The following ACSF3 variants were observed in gnomAD, a reference collection of about 807,000 sequenced individuals.
The protein encoded by ACSF3 is acyl-CoA synthetase family member 3, also known as malonate--CoA ligase ACSF3, mitochondrial.
ACSF3 carries 78 observed loss-of-function variants against 53.2 expected under a neutral mutation model. The observed-to-expected ratio is 1.47, with a 90% CI of 1.22 to 1.77. ACSF3 has a LOEUF of 1.77. Among genes scored for constraint, ACSF3 ranks in the 40% most tolerant of loss-of-function variants. The pLI, the probability that ACSF3 is intolerant of heterozygous loss-of-function variation, is 0.00. For synonymous variants in ACSF3, 414 were observed against 333.1 expected (o/e 1.24, Z -2.65); for missense variants, 937 against 771.1 (o/e 1.22, Z -2.55).
intron 8 of ACSF3, among the ~76,000 whole-genome samples, chr16:89,135,529 AG>A (rs1335241844): frequency 2.0e-5 from 3 of 152,262 alleles, no homozygotes; most frequent in Non-Finnish European, 1.5e-5. Context: ...CAGAGGACCC[AG>A]GGCTGGGGCC....
chr16:89,123,564 C>T (rs2151487214), intron 7 of ACSF3, among the ~76,000 whole-genome samples: 1 of 152,318 alleles, frequency 6.6e-6, no homozygotes, highest in African/African-American at 2.4e-5. Flanking sequence ...CGGCCAGCGT[C>T]CCTCCCCAGA....
intron 6 of ACSF3, among the ~76,000 whole-genome samples, chr16:89,115,494 C>T (rs976553999): frequency 6.6e-6 from 1 of 152,236 alleles, no homozygotes. Context: ...CGTCAGAGCC[C>T]GCGCCTTTCC....
chr16:89,136,654 A>G lies in ACSF3; in HGVS notation c.1366+3392A>G, dbSNP rs528009200. On this transcript the variant is annotated intron_variant, in intron 8 of 10. Transcript: ENST00000614302. ...GCCGAGGCCGGCCTGCAGCTCCCCAACGGCCTCCTCCGGGTCAGGATGAGA... is the reference window on the plus strand; with the variant it reads ...GCCGAGGCCGGCCTGCAGCTCCCCAGCGGCCTCCTCCGGGTCAGGATGAGA... 1.9e-4 allele frequency: 239 copies of G among 1,287,124 alleles called. No homozygotes were observed. The South Asian group carries it at 2.5e-3, about 14-fold the overall frequency. The allele number at this position is 1,287,124 out of a possible 1,614,324, so 79.7% of individuals were successfully genotyped here.
intron 7 of ACSF3, among the ~76,000 whole-genome samples, chr16:89,126,923 C>A (rs944723235): frequency 6.6e-6 from 1 of 152,166 alleles, no homozygotes; most frequent in African/African-American, 2.4e-5. Flanking sequence ...AGATTCCATT[C>A]TATCTATAAT....
Position 89,120,929 on chromosome 16 carries a change from C to G in ACSF3, c.1239+16C>G, listed in dbSNP as rs747630037. 1.2e-6 allele frequency: 2 copies of G among 1,610,148 alleles called. No individual in the cohort carries two copies. Among genetic ancestry groups the G allele is most frequent in the Non-Finnish European group, 1.7e-6 (2 of 1,176,930 alleles). The stretch of plus-strand genomic sequence containing the variant: ...GGGGACCAAGGTAAGCCACTCTGCT[C>G]TTGGCAGGTGGGCGGCCGTGTGTCC... On this transcript the variant is annotated intron_variant, in intron 7 of 10. Transcript: ENST00000614302.
Position 89,098,714 on chromosome 16 carries a change from T to C in ACSF3, c.-70T>C, listed in dbSNP as rs1369128136. ...GCTGAAGCAGCTGTGCCTGCCGCTC[T>C]TGTGAACTGCGAACTTCCCCTTACC... On this transcript the variant is annotated 5_prime_UTR_variant, in exon 2 of 11. Transcript: ENST00000614302. 1 of 454,166 alleles carries C rather than the reference T, an allele frequency of 2.2e-6. No homozygotes were observed. The highest frequency in any genetic ancestry group is 6.9e-5 in the East Asian group (1 of 14,390). The allele number at this position is 454,166 out of a possible 1,614,324, so 28.1% of individuals were successfully genotyped here.
Position 89,100,958 on chromosome 16 carries a change from C to A in ACSF3, c.277C>A (p.Leu93Ile), listed in dbSNP as rs769957763. ...CRLCGCVGGD[L>I]REERVSFLCA... Reference sequence around the variant, plus strand: ...GCTCTGCGGGTGTGTCGGCGGGGACCTCCGGGAGGAGAGGGTCTCCTTCCT... The same window carrying A: ...GCTCTGCGGGTGTGTCGGCGGGGACATCCGGGAGGAGAGGGTCTCCTTCCT... The change falls in exon 3 of 11, where the codon CTC (leucine) becomes ATC (isoleucine). Residue 93 changes from leucine to isoleucine, a missense_variant. By Grantham distance (5) the Leu-to-Ile change is conservative. Transcript: ENST00000614302. 6.2e-7 allele frequency: 1 copy of A among 1,613,530 alleles called. No homozygotes were observed. The highest frequency in any genetic ancestry group is 8.5e-7 in the Non-Finnish European group (1 of 1,179,972).
chr16:89,150,768 G>A (rs932583984), intron 10 of ACSF3: 105 of 357,298 alleles, frequency 2.9e-4, no homozygotes, highest in African/African-American at 1.9e-3. Flanking sequence ...GGCCCTTGCT[G>A]TCCAGGCCAC....
chr16:89,154,561 A>AAAAC lies in ACSF3; in HGVS notation c.*358_*361dup, dbSNP rs980986824. On this transcript the variant is annotated 3_prime_UTR_variant, in exon 11 of 11. Coordinates refer to ENST00000614302, the MANE Select transcript of ACSF3 (RefSeq NM_001243279.3). ...GGCAGGTCCCAGAGGTTTCCCACAA[A>AAAAC]AAACAAAGACTCCACTGGAGGAAAC... 11 of 305,536 alleles carry AAAAC rather than the reference A, an allele frequency of 3.6e-5. No homozygotes were observed. Among genetic ancestry groups the AAAAC allele is most frequent in the East Asian group, 1.5e-4 (2 of 13,064 alleles). 18.9% of individuals were successfully genotyped at this position (305,536 alleles called of 1,614,324 possible). A position where few individuals can be genotyped will look rare whatever the true frequency, so the allele number is the denominator to read the frequency against.
intron 4 of ACSF3, among the ~76,000 whole-genome samples, chr16:89,107,901 C>A (rs2151432205): frequency 6.6e-6 from 1 of 152,266 alleles, no homozygotes; most frequent in Middle Eastern, 3.4e-3. Flanking sequence ...CGTGTGCACA[C>A]TACTGATAAA....
intron 4 of ACSF3, among the ~76,000 whole-genome samples, chr16:89,103,000 A>G (rs1975542637): frequency 6.6e-6 from 1 of 152,240 alleles, no homozygotes; most frequent in African/African-American, 2.4e-5. Flanking sequence ...GCTTTTTGCT[A>G]TACATACGTA....
rs778778276 is a variant in ACSF3, at chr16:89,102,603, G to A, written c.667-1G>A. On this transcript the variant is annotated splice_acceptor_variant, in intron 3 of 10. Transcript: ENST00000614302. LOFTEE classifies it high-confidence loss of function. Reference sequence around the variant, plus strand: ...CTCAGCTGTGCTCTCGTCCCCTGCAGGTGACCGGGCTGGTCCACAAGTGGG... The same window carrying A: ...CTCAGCTGTGCTCTCGTCCCCTGCAAGTGACCGGGCTGGTCCACAAGTGGG... 6.2e-7 allele frequency: 1 copy of A among 1,613,662 alleles called. No individual in the cohort carries two copies. Among genetic ancestry groups the A allele is most frequent in the Non-Finnish European group, 8.5e-7 (1 of 1,180,036 alleles).
chr16:89,096,854 G>T (rs1444059092), intron 1 of ACSF3, among the ~76,000 whole-genome samples: 1 of 152,170 alleles, frequency 6.6e-6, no homozygotes, highest in African/African-American at 2.4e-5. Context: ...GGCTCTCTGG[G>T]AGCTGGGACC....
chr16:89,097,483 C>G (rs953762918), intron 1 of ACSF3, among the ~76,000 whole-genome samples: 1 of 152,268 alleles, frequency 6.6e-6, no homozygotes, highest in Non-Finnish European at 1.5e-5. Flanking sequence ...GGCCTCGGGG[C>G]CGTAACCCAG....
Position 89,154,976 on chromosome 16 carries a change from A to C in ACSF3, c.*769A>C. On this transcript the variant is annotated 3_prime_UTR_variant, in exon 11 of 11. Coordinates refer to ENST00000614302, the MANE Select transcript of ACSF3 (RefSeq NM_001243279.3). ...CTCTCTCCCATCACCGTCTCCACCCAGACCCCCACCTGCCCCATGGCCCCC... is the reference window on the plus strand; with the variant it reads ...CTCTCTCCCATCACCGTCTCCACCCCGACCCCCACCTGCCCCATGGCCCCC... 1 of 453,802 alleles carries C rather than the reference A, an allele frequency of 2.2e-6. No homozygotes were observed. Among genetic ancestry groups the C allele is most frequent in the Non-Finnish European group, 4.4e-6 (1 of 226,680 alleles). The allele number at this position is 453,802 out of a possible 1,614,324, so 28.1% of individuals were successfully genotyped here. A position where few individuals can be genotyped will look rare whatever the true frequency, so the allele number is the denominator to read the frequency against.
chr16:89,152,786 G>A (rs1445864428), intron 10 of ACSF3: 2 of 152,024 alleles, frequency 1.3e-5, no homozygotes, highest in Non-Finnish European at 1.5e-5. Context: ...GTAGCACTTC[G>A]GGAGGATCCT....
chr16:89,147,967 G>A (rs1913415926), intron 10 of ACSF3: 1 of 152,202 alleles, frequency 6.6e-6, no homozygotes, highest in Non-Finnish European at 1.5e-5. Context: ...AGATACAGTG[G>A]GGGTGCAGGC....
At chr16:89,119,468 G>C (rs1180961119) in intron 6 of ACSF3, among the ~76,000 whole-genome samples, 1 of 152,230 alleles carries the variant, frequency 6.6e-6, no homozygotes, top group Non-Finnish European at 1.5e-5. Flanking sequence ...TAGGGGAAGT[G>C]GGGGGCTGTG....
intron 8 of ACSF3, among the ~76,000 whole-genome samples, chr16:89,140,621 G>C (rs1027479504): frequency 1.3e-5 from 2 of 152,184 alleles, no homozygotes; most frequent in Admixed American, 6.5e-5. Context: ...TGTCACTCCA[G>C]ATCCAGGCTC....
Sources: gnomAD v4.1 joint callset for allele counts (sites outside exome capture counted in the v4.1 genomes callset) on GRCh38, gnomAD v4.1.1 for gene constraint, MANE v1.5 for transcripts, NCBI Gene and HGNC (gene_info 2026-07-23, HGNC 2026-07-21) for gene names.